DIAPH1: variants seen among roughly 807,000 people sequenced by gnomAD.
DIAPH1 encodes diaphanous related formin 1.
DIAPH1 carries 46 observed loss-of-function variants against 140.7 expected under a neutral mutation model. The observed-to-expected ratio is 0.33, with a 90% CI of 0.26 to 0.42. The LOEUF is 0.42. Among genes scored for constraint, DIAPH1 ranks in the 10% least tolerant of loss-of-function variants. DIAPH1 has a pLI of 1.00. For missense variants in DIAPH1, 1,310 were observed against 1,558.7 expected (o/e 0.84, Z 2.69); for synonymous variants, 565 against 551.6 (o/e 1.02, Z -0.34).
At chr5:141,561,410 G>A (rs1404484198) in intron 18 of DIAPH1, among the ~76,000 whole-genome samples, 1 of 150,004 alleles carries the variant, frequency 6.7e-6, no homozygotes, top group African/African-American at 2.5e-5. Flanking sequence ...AAAAGAAACT[G>A]TTAAGAGTGA....
chr5:141,543,583 T>A (rs2099890322), intron 18 of DIAPH1, among the ~76,000 whole-genome samples: 1 of 152,228 alleles, frequency 6.6e-6, no homozygotes, highest in South Asian at 2.1e-4. Context: ...AAATTCATTA[T>A]CAACATTATA....
chr5:141,587,027 G>A lies in DIAPH1; in HGVS notation c.300+15C>T, dbSNP rs2099897652. On this transcript the variant is annotated intron_variant, in intron 3 of 27. Coordinates refer to ENST00000389054, the MANE Select transcript of DIAPH1 (RefSeq NM_005219.5). ...TGCACAGGAAGAAGCAACATTTTGG[G>A]AATGGGAAACTTACCAGCATCTGTT... 6.2e-7 allele frequency: 1 copy of A among 1,613,964 alleles called. No individual in the cohort carries two copies. The highest frequency in any genetic ancestry group is 2.2e-5 in the East Asian group (1 of 44,882).
At chr5:141,602,509 C>T (rs2099900307) in intron 1 of DIAPH1, among the ~76,000 whole-genome samples, 1 of 152,184 alleles carries the variant, frequency 6.6e-6, no homozygotes, top group Admixed American at 6.5e-5. Context: ...GCCACCACGC[C>T]TGGCCTTTGC....
intron 19 of DIAPH1, 47 bp downstream of exon 19, chr5:141,534,286 TAA>T: frequency 1.4e-6 from 2 of 1,447,242 alleles, no homozygotes; most frequent in Non-Finnish European, 1.9e-6. Context: ...TAAAAATTCT[TAA>T]AAGAATTCCT....
intron 18 of DIAPH1, among the ~76,000 whole-genome samples, chr5:141,568,968 C>G (rs1177834915): frequency 6.6e-6 from 1 of 151,990 alleles, no homozygotes; most frequent in African/African-American, 2.4e-5. Context: ...GAGTTGAATA[C>G]AGTCAGAATA....
At position 141,580,744 on chromosome 5, in the gene DIAPH1, A is replaced by G. The variant is rs1347824121; in HGVS notation, c.824T>C (p.Met275Thr). 2 of 1,613,978 alleles carry G rather than the reference A, an allele frequency of 1.2e-6. No homozygotes were observed. ...ALCILPQPED[M>T]NERVLEAMTE... is the part of the protein sequence containing the mutation. ...AAGAAAAATTATTCCAGTCACATAC[A>G]TGTCCTCTGGCTGCGGTAGAATACA... Residue 275 changes from methionine (M) to threonine (T), a missense_variant and splice_region_variant, in exon 8 of 28, where the codon ATG (methionine) becomes ACG (threonine). Met to Thr is a moderately conservative substitution (Grantham distance 81, BLOSUM62 -1). This residue lies in a region of DIAPH1 where 377 missense variants were observed against 497.1 expected (regional missense o/e 0.76). Transcript: ENST00000389054.
rs543671705 is a variant in DIAPH1 at position 141,553,428 on chromosome 5, TCAGGAGTTCGAGACCGG to T, written c.2482+17983_2482+17999del. Among the ~76,000 whole-genome samples the T allele has an allele frequency of 3.8e-3, 581 of 152,098 alleles. 5 individuals are homozygous for T. Among genetic ancestry groups the T allele is most frequent in the Admixed American group, 0.011 (168 of 15,278 alleles). The stretch of plus-strand genomic sequence containing the variant: ...GTCAAGGCAGGTGGATCACCTGAGG[TCAGGAGTTCGAGACCGG>T]CCTGCCCAACATGGCGAAACCCCAA... On this transcript the variant is annotated intron_variant, in intron 18 of 27. Coordinates refer to ENST00000389054, the MANE Select transcript of DIAPH1 (RefSeq NM_005219.5).
At chr5:141,562,585 C>T (rs2099893731) in intron 18 of DIAPH1, among the ~76,000 whole-genome samples, 1 of 144,152 alleles carries the variant, frequency 6.9e-6, no homozygotes, top group African/African-American at 2.5e-5. Context: ...ACTGTTTTGA[C>T]TTCTGAACCA....
intron 1 of DIAPH1, among the ~76,000 whole-genome samples, chr5:141,610,576 G>T (rs755598555): frequency 1.3e-5 from 2 of 151,992 alleles, no homozygotes; most frequent in African/African-American, 2.4e-5. Context: ...TGGGATTACA[G>T]GTGTGAGCCA....
chr5:141,596,110 G>A (rs2154596958), intron 1 of DIAPH1, among the ~76,000 whole-genome samples: 1 of 152,218 alleles, frequency 6.6e-6, no homozygotes, highest in East Asian at 1.9e-4. Flanking sequence ...CAGGTGGATT[G>A]CGAGGTCAGG....
chr5:141,604,631 A>G, intron 1 of DIAPH1, among the ~76,000 whole-genome samples: 1 of 152,248 alleles, frequency 6.6e-6, no homozygotes, highest in Non-Finnish European at 1.5e-5. Flanking sequence ...GCTTCTACAT[A>G]CAGGCACCAA....
chr5:141,618,782 TGGGA>T lies in DIAPH1; in HGVS notation c.117+12_117+15del, dbSNP rs1481382914. 3 of 1,527,728 alleles carry T rather than the reference TGGGA, an allele frequency of 2.0e-6. No homozygotes were observed. The highest frequency in any genetic ancestry group is 1.8e-6 in the Non-Finnish European group (2 of 1,124,586). 94.6% of individuals were successfully genotyped at this position (1,527,728 alleles called of 1,614,324 possible). A position where few individuals can be genotyped will look rare whatever the true frequency, so the allele number is the denominator to read the frequency against. On this transcript the variant is annotated intron_variant, in intron 1 of 27. Transcript: ENST00000389054. ...GTTACGGGGCCAGGCAGGAGCGGGA[TGGGA>T]GGGACACTCACAAATTTCTTAGATT...
chr5:141,619,000 A>G lies in DIAPH1; in HGVS notation c.-86T>C. On this transcript the variant is annotated 5_prime_UTR_variant, in exon 1 of 28. Transcript: ENST00000389054. ...GCCCGCCGCCGCCCAGTCGCTCTTT[A>G]GCCAGCCGCCGCGCCCCGCCTCATT... The G allele has an allele frequency of 1.5e-6, 1 of 683,120 alleles. No individual in the cohort carries two copies. Among genetic ancestry groups the G allele is most frequent in the Non-Finnish European group, 2.2e-6 (1 of 461,754 alleles). The allele number at this position is 683,120 out of a possible 1,614,324, so 42.3% of individuals were successfully genotyped here. A position where few individuals can be genotyped will look rare whatever the true frequency, so the allele number is the denominator to read the frequency against.
intron 1 of DIAPH1, among the ~76,000 whole-genome samples, chr5:141,602,341 G>A (rs186833415): frequency 4.6e-5 from 7 of 152,140 alleles, no homozygotes; most frequent in African/African-American, 1.4e-4. Flanking sequence ...TCAGCCTCCC[G>A]AGTAGCTGGA....
chr5:141,554,966 G>A (rs1290991534), intron 18 of DIAPH1, among the ~76,000 whole-genome samples: 1 of 152,028 alleles, frequency 6.6e-6, no homozygotes, highest in Non-Finnish European at 1.5e-5. Flanking sequence ...TGGGGGTGGA[G>A]GTTCAGTTGT....
chr5:141,529,855 G>A (rs935055885), intron 19 of DIAPH1, among the ~76,000 whole-genome samples, 158 bp from the exon 20 acceptor site: 1 of 152,232 alleles, frequency 6.6e-6, no homozygotes, highest in Non-Finnish European at 1.5e-5. Context: ...AGGCCAAGGT[G>A]GGCGGATCGC....
intron 7 of DIAPH1, chr5:141,581,797 G>C (rs148808086): frequency 0.052 from 7,918 of 153,434 alleles, 313 homozygotes; most frequent in Middle Eastern, 0.079. Context: ...GCTCATGCCT[G>C]TAATCCCAGC....
chr5:141,583,226 A>G lies in DIAPH1; in HGVS notation c.600T>C (p.Asp200=). Residue 200 remains aspartate, a synonymous_variant, in exon 6 of 28, where the codon GAT becomes GAC. Transcript: ENST00000389054. The part of the protein sequence containing the change: ...SLLDILKRLH[D]EKEETAGSYD... ...CTCACCCAGCAGTCTCTTCTTTCTCATCATGAAGTCGTTTAAGAATGTCCA... is the reference window on the plus strand; with the variant it reads ...CTCACCCAGCAGTCTCTTCTTTCTCGTCATGAAGTCGTTTAAGAATGTCCA... 6.2e-7 allele frequency: 1 copy of G among 1,613,988 alleles called. No individual in the cohort carries two copies. The highest frequency in any genetic ancestry group is 8.5e-7 in the Non-Finnish European group (1 of 1,179,828).
rs565854446 is a variant in DIAPH1, at chr5:141,618,384, T to C, written c.117+414A>G. 5.1e-5 allele frequency: 8 copies of C among 157,064 alleles called. No homozygotes were observed. The South Asian group carries it at 9.9e-4, about 19-fold the overall frequency. The allele number at this position is 157,064 out of a possible 1,614,324, so 9.7% of individuals were successfully genotyped here. A position where few individuals can be genotyped will look rare whatever the true frequency, so the allele number is the denominator to read the frequency against. On this transcript the variant is annotated intron_variant, in intron 1 of 27. Transcript: ENST00000389054. ...GGAAGTGACCTTTAGGAGAAGGAAA[T>C]ACGAGAATACCAAAAAAGGTGTAAG...
Sources: allele counts gnomAD v4.1 joint callset (sites outside exome capture counted in the v4.1 genomes callset), GRCh38; gene constraint gnomAD v4.1.1; regional missense constraint gnomAD v4.1.1; transcripts MANE v1.5; gene names NCBI Gene and HGNC (gene_info 2026-07-23, HGNC 2026-07-21).